Variants in TRIM37 observed in about 807,000 individuals in gnomAD.
The protein encoded by TRIM37 is E3 ubiquitin-protein ligase TRIM37.
A neutral mutation model predicts 129.8 loss-of-function variants in TRIM37; 80 were observed. That is an observed-to-expected ratio of 0.62 (90% CI 0.51 to 0.74). The LOEUF (loss-of-function observed/expected upper bound fraction) is 0.74. Ranked by LOEUF, TRIM37 falls within the 30% of genes least tolerant of loss-of-function variation. The probability of loss-of-function intolerance (pLI) is 0.00; values close to 1 mark genes in which losing one functional copy is unlikely to be tolerated. For missense variants in TRIM37, 1,054 were observed against 1,176.5 expected, an observed-to-expected ratio of 0.90 and a Z score of 1.52; for synonymous variants, 389 against 387.1, an observed-to-expected ratio of 1.00 and a Z score of -0.06.
At chr17:59,096,645 C>T (rs2044916955) in intron 2 of TRIM37, among the ~76,000 whole-genome samples, 1 of 151,244 alleles carries the variant, frequency 6.6e-6, no homozygotes, top group Admixed American at 6.6e-5. Flanking sequence ...AATCTTAGAT[C>T]ATGGGCTCAT....
chr17:59,010,647 C>T (rs2035139232), intron 22 of TRIM37, among the ~76,000 whole-genome samples: 1 of 151,954 alleles, frequency 6.6e-6, no homozygotes, highest in Admixed American at 6.6e-5. Context: ...TGTCTGCTAC[C>T]ACATCTGGCT....
intron 10 of TRIM37, chr17:59,064,102 T>G: frequency 1.2e-5 from 5 of 418,158 alleles, no homozygotes; most frequent in Non-Finnish European, 2.2e-5. Flanking sequence ...CACTCCAGCC[T>G]GGGTGACAGA....
In TRIM37 at chr17:59,106,503, C is replaced by G; in HGVS notation, c.-42G>C. On this transcript the variant is annotated 5_prime_UTR_variant, in exon 1 of 24. Coordinates refer to ENST00000262294, the MANE Select transcript of TRIM37 (RefSeq NM_015294.6). ...CGGGGCCGCTGGCGACCCGCAGGCT[C>G]CGCAGTCTGACCTCTTAGGCGCCGG... 6.2e-7 allele frequency: 1 copy of G among 1,612,558 alleles called. No homozygotes were observed. Among genetic ancestry groups the G allele is most frequent in the East Asian group, 2.2e-5 (1 of 44,804 alleles).
Position 59,028,470 on chromosome 17 carries a change from A to G in TRIM37, c.2202T>C (p.Asp734=), listed in dbSNP as rs755809519. Residue 734 remains aspartate (D), a synonymous_variant, in exon 19 of 24, where the codon GAT becomes GAC. Coordinates refer to ENST00000262294, the MANE Select transcript of TRIM37 (RefSeq NM_015294.6). The part of the protein sequence containing the change: ...CGTENSGRLQ[D]LGMELLAKSS... ...ACTTTGCCAGGAGTTCCATTCCCAA[A>G]TCCTGCAATCTGCCAGAGTTTTCAG... 5.0e-6 allele frequency: 8 copies of G among 1,614,126 alleles called. No homozygotes were observed. In the South Asian group the frequency reaches 7.7e-5, roughly 16 times the overall value.
At chr17:58,983,065 GA>G in intron 24 of TRIM37, 3 of 728,480 alleles carry the variant, frequency 4.1e-6, no homozygotes, top group South Asian at 2.1e-5. Context: ...AGGGTAAAGG[GA>G]AAAAGTTACT....
At chr17:59,024,963 A>G (rs1021848384) in intron 19 of TRIM37, among the ~76,000 whole-genome samples, 28 of 152,234 alleles carry the variant, frequency 1.8e-4, no homozygotes, top group Admixed American at 6.5e-5. Flanking sequence ...TACAAACTAT[A>G]AAACTACAGT....
At chr17:59,031,752 A>T in intron 18 of TRIM37, 144 bp downstream of exon 18, 1 of 837,708 alleles carries the variant, frequency 1.2e-6, no homozygotes, top group Non-Finnish European at 1.8e-6. Context: ...AATTTGGTTG[A>T]CATAAATGTC....
intron 5 of TRIM37, 94 bp from the exon 6 acceptor site, chr17:59,081,313 A>C: frequency 1.3e-6 from 2 of 1,524,412 alleles, no homozygotes; most frequent in Non-Finnish European, 1.8e-6. Flanking sequence ...TAAACTGGTA[A>C]ATCTCTCAAA....
At chr17:58,967,527 G>T in the TRIM37 span, among the ~76,000 whole-genome samples, 86 of 151,320 alleles carry the variant, frequency 5.7e-4, no homozygotes, top group South Asian at 6.5e-3. Flanking sequence ...TATAGAGAGA[G>T]AGAGAGAGAG....
At chr17:59,024,556 G>A (rs1231677565) in intron 19 of TRIM37, among the ~76,000 whole-genome samples, 2 of 152,166 alleles carry the variant, frequency 1.3e-5, no homozygotes, top group Non-Finnish European at 2.9e-5. Context: ...AAGAGAGAGA[G>A]AGAGACTGTT....
intron 5 of TRIM37, among the ~76,000 whole-genome samples, chr17:59,083,518 C>T (rs917585656): frequency 9.9e-5 from 15 of 151,552 alleles, no homozygotes; most frequent in African/African-American, 3.6e-4. Flanking sequence ...AACTTCAATG[C>T]TTCAGGCTCA....
At chr17:59,099,285 G>A (rs1021517620) in intron 2 of TRIM37, among the ~76,000 whole-genome samples, 2 of 152,078 alleles carry the variant, frequency 1.3e-5, no homozygotes, top group Non-Finnish European at 2.9e-5. Context: ...TACTACAGTA[G>A]TCTCGTAAGA....
At chr17:59,026,511 T>C (rs558104713) in intron 19 of TRIM37, among the ~76,000 whole-genome samples, 1 of 152,276 alleles carries the variant, frequency 6.6e-6, no homozygotes, top group South Asian at 2.1e-4. Context: ...AAATCATATA[T>C]GTGATAAAAG....
chr17:58,971,078 GC>G, the TRIM37 span, among the ~76,000 whole-genome samples: 1 of 152,106 alleles, frequency 6.6e-6, no homozygotes, highest in East Asian at 1.9e-4. Flanking sequence ...TTGTCTCAGC[GC>G]CCCTTTTCTC....
chr17:59,025,677 T>C (rs1382246340), intron 19 of TRIM37, among the ~76,000 whole-genome samples: 3 of 152,064 alleles, frequency 2.0e-5, no homozygotes, highest in Non-Finnish European at 2.9e-5. Context: ...ACCCGAATAC[T>C]GTATTTTCAA....
Position 59,017,444 on chromosome 17 carries a change from C to A in TRIM37, c.2258-20G>T. The A allele has an allele frequency of 1.2e-6, 2 of 1,613,690 alleles. No individual in the cohort carries two copies. The highest frequency in any genetic ancestry group is 1.7e-6 in the Non-Finnish European group (2 of 1,179,710). On this transcript the variant is annotated intron_variant, in intron 19 of 23. Transcript: ENST00000262294. The stretch of plus-strand genomic sequence containing the variant: ...TTGTGGCTGCAAAGACATTTAAGAA[C>A]ACCTCTGAATAGGCTACTACAGCAC...
chr17:58,973,009 A>T, the TRIM37 span: 1 of 805,890 alleles, frequency 1.2e-6, no homozygotes, highest in Non-Finnish European at 2.0e-6. Flanking sequence ...GGAACCTGAG[A>T]TGATAATTTA....
At chr17:59,041,504 T>C (rs1003952358) in intron 17 of TRIM37, among the ~76,000 whole-genome samples, 1 of 152,212 alleles carries the variant, frequency 6.6e-6, no homozygotes, top group African/African-American at 2.4e-5. Context: ...ATTTACTAAA[T>C]TGTTAAAAGT....
Position 58,998,734 on chromosome 17 carries a change from A to G in TRIM37, c.*643T>C, listed in dbSNP as rs1175148112. On this transcript the variant is annotated 3_prime_UTR_variant, in exon 24 of 24. Coordinates refer to ENST00000262294, the MANE Select transcript of TRIM37 (RefSeq NM_015294.6). ...AATGAATCCATGTTAACTTAATTTC[A>G]TTTAAAATTACATTTGTAGAAGTCA... is the stretch of plus-strand genomic sequence containing the variant. 1.0e-6 allele frequency: 1 copy of G among 985,584 alleles called. No homozygotes were observed. The highest frequency in any genetic ancestry group is 1.7e-5 in the African/African-American group (1 of 57,238). The allele number at this position is 985,584 out of a possible 1,614,324, so 61.1% of individuals were successfully genotyped here.
Sources: allele counts gnomAD v4.1 joint callset (sites outside exome capture counted in the v4.1 genomes callset), GRCh38; gene constraint gnomAD v4.1.1; transcripts MANE v1.5; gene names NCBI Gene and HGNC (gene_info 2026-07-23, HGNC 2026-07-21).